CNTN1: variants seen among roughly 807,000 people sequenced by gnomAD.
CNTN1 encodes the protein contactin-1.
In CNTN1, 38 loss-of-function variants were observed where a neutral mutation model predicts 126.4. The ratio of observed to expected loss-of-function variants is 0.30; its 90% CI spans 0.23 to 0.39. CNTN1 has a LOEUF of 0.39. Ranked by LOEUF, CNTN1 falls within the 10% of genes least tolerant of loss-of-function variation. The pLI is 1.00. For missense variants in CNTN1, 1,009 were observed against 1,248.4 expected (o/e 0.81, Z 2.89); for synonymous variants, 413 against 422.6 (o/e 0.98, Z 0.28).
intron 15 of CNTN1, among the ~76,000 whole-genome samples, chr12:40,979,606 G>A (rs1362947448): frequency 6.6e-6 from 1 of 152,164 alleles, no homozygotes; most frequent in East Asian, 1.9e-4. Flanking sequence ...CAAGTGATAT[G>A]TATGTTTAGT....
At chr12:40,811,548 G>T (rs910872341) in intron 1 of CNTN1, among the ~76,000 whole-genome samples, 14 of 151,942 alleles carry the variant, frequency 9.2e-5, no homozygotes, top group African/African-American at 3.4e-4. Flanking sequence ...GGCTTTTTTT[G>T]ATAGAAGATT....
At chr12:40,887,896 C>T (rs11835104) in intron 1 of CNTN1, among the ~76,000 whole-genome samples, 162 of 151,888 alleles carry the variant, frequency 1.1e-3, no homozygotes, top group African/African-American at 3.7e-3. Context: ...TCATCATTCT[C>T]AGCAAACTAT....
chr12:40,864,912 C>T (rs920254732), intron 1 of CNTN1, among the ~76,000 whole-genome samples: 1 of 152,098 alleles, frequency 6.6e-6, no homozygotes, highest in Non-Finnish European at 1.5e-5. Context: ...AAAGTTACCA[C>T]CAAACTGTTT....
intron 15 of CNTN1, among the ~76,000 whole-genome samples, chr12:40,966,882 T>A (rs2137031651): frequency 6.6e-6 from 1 of 152,334 alleles, no homozygotes; most frequent in Admixed American, 6.5e-5. Flanking sequence ...TAGATTTTTC[T>A]TTCCCTCCAC....
intron 14 of CNTN1, among the ~76,000 whole-genome samples, chr12:40,957,781 G>A (rs1946944279): frequency 1.3e-5 from 2 of 151,884 alleles, no homozygotes; most frequent in Admixed American, 1.3e-4. Context: ...GGATTAAGGT[G>A]TGTGGCCACT....
At chr12:41,063,159 G>T (rs1293463213) in intron 23 of CNTN1, among the ~76,000 whole-genome samples, 2 of 152,220 alleles carry the variant, frequency 1.3e-5, no homozygotes, top group African/African-American at 4.8e-5. Context: ...CATAAAAATG[G>T]ATCCAGTACT....
rs191066387 is a variant in CNTN1 at position 41,014,149 on chromosome 12, A to G, written c.2114-79A>G. 440 of 1,315,898 alleles carry G rather than the reference A, an allele frequency of 3.3e-4. 2 individuals carry two copies. The African/African-American group carries it at 5.6e-3, about 17-fold the overall frequency. The allele number at this position is 1,315,898 out of a possible 1,614,324, so 81.5% of individuals were successfully genotyped here. The stretch of plus-strand genomic sequence containing the variant: ...AAAACATTTGTGGTTTCTGTGGTGA[A>G]TAAGAATTCTAACACCAGGAAAAAA... On this transcript the variant is annotated intron_variant, in intron 17 of 23. Coordinates refer to ENST00000551295, the MANE Select transcript of CNTN1 (RefSeq NM_001843.4).
In CNTN1 at chr12:40,774,916, T is replaced by C. The variant is rs191445105; in HGVS notation, c.-77+82324T>C. On this transcript the variant is annotated intron_variant, in intron 1 of 23. Transcript: ENST00000551295. ...TATTTATAAGGTACATGTGATACTT[T>C]GATATAAGTATACAATATGTAATGA... is the stretch of plus-strand genomic sequence containing the variant. Among the ~76,000 whole-genome samples the C allele has an allele frequency of 3.3e-5, 5 of 151,714 alleles. No homozygotes were observed. In the East Asian group the frequency reaches 9.7e-4, roughly 29 times the overall value.
intron 1 of CNTN1, among the ~76,000 whole-genome samples, chr12:40,750,513 T>C (rs1938366534): frequency 6.6e-6 from 1 of 151,902 alleles, no homozygotes; most frequent in Non-Finnish European, 1.5e-5. Context: ...TTAGAAAGCA[T>C]GGGTATTAGC....
chr12:41,021,987 G>T (rs1446957309), intron 20 of CNTN1, among the ~76,000 whole-genome samples: 1 of 151,710 alleles, frequency 6.6e-6, no homozygotes, highest in East Asian at 1.9e-4. Flanking sequence ...ATTGAAAAAA[G>T]GATAATTTAA....
At chr12:41,011,450 A>T (rs970418410) in intron 17 of CNTN1, among the ~76,000 whole-genome samples, 1 of 152,230 alleles carries the variant, frequency 6.6e-6, no homozygotes, top group African/African-American at 2.4e-5. Flanking sequence ...GCATCCCTTT[A>T]GTCTCCTTCC....
At chr12:40,857,695 T>C (rs748084199) in intron 1 of CNTN1, among the ~76,000 whole-genome samples, 1 of 152,140 alleles carries the variant, frequency 6.6e-6, no homozygotes, top group Non-Finnish European at 1.5e-5. Flanking sequence ...TGTTTTTGCA[T>C]ACTCATACAA....
intron 3 of CNTN1, among the ~76,000 whole-genome samples, chr12:40,918,309 G>A (rs957230389): frequency 6.6e-6 from 1 of 152,058 alleles, no homozygotes; most frequent in African/African-American, 2.4e-5. Context: ...AATTTTGATA[G>A]GACAAGAAAA....
Position 40,782,114 on chromosome 12 carries a change from CCTAT to C in CNTN1, c.-77+89528_-77+89531del, listed in dbSNP as rs1275943937. Among the ~76,000 whole-genome samples the C allele has an allele frequency of 1.3e-4, 20 of 151,904 alleles. 1 individual carries two copies. The highest frequency in any genetic ancestry group is 4.3e-4 in the African/African-American group (18 of 41,488). On this transcript the variant is annotated intron_variant, in intron 1 of 23. Transcript: ENST00000551295. Reference sequence around the variant, plus strand: ...ATTTGAGTGAAACCATCCCCTATTACCTATCTATCAATATGCACACATATTTTTT... The same window carrying C: ...ATTTGAGTGAAACCATCCCCTATTACCTATCAATATGCACACATATTTTTT...
intron 20 of CNTN1, among the ~76,000 whole-genome samples, chr12:41,023,079 TATG>T (rs1222011133): frequency 6.6e-6 from 1 of 152,100 alleles, no homozygotes; most frequent in Non-Finnish European, 1.5e-5. Context: ...CATTTTAAAA[TATG>T]ATGGGAGAAG....
chr12:40,768,304 T>C (rs1939199195), intron 1 of CNTN1, among the ~76,000 whole-genome samples: 1 of 152,232 alleles, frequency 6.6e-6, no homozygotes, highest in Non-Finnish European at 1.5e-5. Flanking sequence ...GGCCCTCAAG[T>C]TGGTTCCTCC....
intron 1 of CNTN1, among the ~76,000 whole-genome samples, chr12:40,844,617 T>C (rs1356975728): frequency 6.6e-6 from 1 of 152,138 alleles, no homozygotes; most frequent in Non-Finnish European, 1.5e-5. Flanking sequence ...TAAAATGAAA[T>C]CTTAGAAACG....
At chr12:40,972,652 T>G in intron 15 of CNTN1, 1 of 953,694 alleles carries the variant, frequency 1.0e-6, no homozygotes, top group Non-Finnish European at 1.2e-6. Flanking sequence ...TTCTTTTATA[T>G]TTTCTAGTCT....
intron 1 of CNTN1, among the ~76,000 whole-genome samples, chr12:40,731,321 TAA>T (rs1301089927): frequency 2.6e-5 from 4 of 151,966 alleles, no homozygotes; most frequent in Middle Eastern, 3.2e-3. Flanking sequence ...CTATATTTTT[TAA>T]AGAGGCCAAA....
Sources: allele counts gnomAD v4.1 joint callset (sites outside exome capture counted in the v4.1 genomes callset), GRCh38; gene constraint gnomAD v4.1.1; transcripts MANE v1.5; gene names NCBI Gene and HGNC (gene_info 2026-07-23, HGNC 2026-07-21).